Variants in PBRM1 observed in about 807,000 individuals in gnomAD.
The protein encoded by PBRM1 is polybromo 1, also known as protein polybromo-1.
Under a neutral mutation model 194.5 loss-of-function variants are expected in PBRM1, and 27 were observed. The observed-to-expected ratio is 0.14, with a 90% confidence interval of 0.10 to 0.19. The LOEUF (loss-of-function observed/expected upper bound fraction) is 0.19. PBRM1 is among the 10% of genes least tolerant of loss of function. The probability of loss-of-function intolerance (pLI) is 1.00; values close to 1 mark genes in which losing one functional copy is unlikely to be tolerated. For synonymous variants in PBRM1, 655 were observed against 693.2 expected, an observed-to-expected ratio of 0.94 and a Z score of 0.87; for missense variants, 1,466 against 2,077.2, an observed-to-expected ratio of 0.71 and a Z score of 5.72.
intron 8 of PBRM1, among the ~76,000 whole-genome samples, chr3:52,644,361 A>T (rs2096223807): frequency 6.6e-6 from 1 of 152,036 alleles, no homozygotes; most frequent in Non-Finnish European, 1.5e-5. Context: ...AAACTCAGCA[A>T]ATATAAAGGC....
At chr3:52,636,460 A>C (rs950885268) in intron 10 of PBRM1, among the ~76,000 whole-genome samples, 1 of 151,896 alleles carries the variant, frequency 6.6e-6, no homozygotes, top group African/African-American at 2.4e-5. Flanking sequence ...AACCATAATC[A>C]TTTATTAAGA....
intron 25 of PBRM1, 85 bp downstream of exon 27, chr3:52,561,682 G>A: frequency 8.4e-7 from 1 of 1,186,940 alleles, no homozygotes; most frequent in Non-Finnish European, 1.3e-6. Flanking sequence ...CAAGTGGTAA[G>A]AACAAGAGTA....
intron 15 of PBRM1, among the ~76,000 whole-genome samples, chr3:52,611,799 G>A (rs942338418): frequency 2.0e-5 from 3 of 151,960 alleles, no homozygotes; most frequent in Non-Finnish European, 1.5e-5. Context: ...GTAAGACCCT[G>A]TCTCCACAAA....
chr3:52,588,868 T>A (rs1286891965), intron 18 of PBRM1, among the ~76,000 whole-genome samples: 1 of 152,228 alleles, frequency 6.6e-6, no homozygotes, highest in Non-Finnish European at 1.5e-5. Context: ...GAAGCTGTAT[T>A]TCTTTTGACT....
intron 10 of PBRM1, among the ~76,000 whole-genome samples, chr3:52,635,116 G>A (rs1467397557): frequency 6.6e-6 from 1 of 151,978 alleles, no homozygotes; most frequent in Non-Finnish European, 1.5e-5. Context: ...CAGTAGAGAT[G>A]GGGTTTCGTC....
chr3:52,638,845 T>C (rs1035299819), intron 10 of PBRM1, among the ~76,000 whole-genome samples: 1 of 152,034 alleles, frequency 6.6e-6, no homozygotes, highest in Admixed American at 6.6e-5. Context: ...GTGATCCTCC[T>C]GCCTCTGCCT....
Position 52,586,699 on chromosome 3 carries a change from G to C in PBRM1, c.3124-11C>G, listed in dbSNP as rs764258052. On this transcript the variant is annotated splice_polypyrimidine_tract_variant and intron_variant, in intron 19 of 29. Transcript: ENST00000296302. Reference sequence around the variant, plus strand: ...TAACTTAAAGTATTCCTGGGGGGTGGGGAGGGCATAAGAATAAAACTAGTT... The same window carrying C: ...TAACTTAAAGTATTCCTGGGGGGTGCGGAGGGCATAAGAATAAAACTAGTT... 1.3e-6 allele frequency: 2 copies of C among 1,564,632 alleles called. No homozygotes were observed. The highest frequency in any genetic ancestry group is 1.7e-6 in the Non-Finnish European group (2 of 1,146,308).
chr3:52,673,202 G>A (rs1037734044), intron 2 of PBRM1, among the ~76,000 whole-genome samples: 3 of 149,586 alleles, frequency 2.0e-5, no homozygotes, highest in African/African-American at 7.3e-5. Flanking sequence ...TGGCCAGGCT[G>A]GTCTCGAACT....
chr3:52,578,683 T>C (rs926132106), intron 21 of PBRM1, among the ~76,000 whole-genome samples: 3 of 152,240 alleles, frequency 2.0e-5, no homozygotes, highest in Admixed American at 1.3e-4. Context: ...ATATGTGATA[T>C]ATACGCTAAG....
intron 4 of PBRM1, among the ~76,000 whole-genome samples, chr3:52,661,850 C>T (rs184169873): frequency 6.6e-6 from 1 of 152,166 alleles, no homozygotes; most frequent in Non-Finnish European, 1.5e-5. Context: ...CTGGACTAAT[C>T]CTTGATAATA....
rs542938854 is a variant in PBRM1, at chr3:52,601,712, C to A, written c.2779+1809G>T. ...ATACTGGCACTGGTGTTAGCAGGTC[C>A]AGGCAGGCCAATTCCTGGGACTCCA... On this transcript the variant is annotated intron_variant, in intron 17 of 29. Coordinates refer to ENST00000296302, the Ensembl canonical transcript of PBRM1. 1.1e-4 allele frequency among the ~76,000 whole-genome samples: 17 copies of A among 152,208 alleles called. No individual in the cohort carries two copies. The East Asian group carries it at 2.5e-3, about 22-fold the overall frequency.
At chr3:52,679,052 G>C (rs1254164547) in intron 1 of PBRM1, among the ~76,000 whole-genome samples, 1 of 152,042 alleles carries the variant, frequency 6.6e-6, no homozygotes, top group Non-Finnish European at 1.5e-5. Flanking sequence ...TCTCCTTCCT[G>C]ACCATCCCCT....
rs757296068 is a variant in PBRM1 at position 52,627,256 on chromosome 3, A to G, written c.1541+17T>C. The stretch of plus-strand genomic sequence containing the variant: ...AACAGGAACTGAGATGTCCCCAGCT[A>G]TAAGAAGAGTATATACCTTTTTCTT... On this transcript the variant is annotated intron_variant, in intron 13 of 29. Coordinates refer to ENST00000296302, the Ensembl canonical transcript of PBRM1. 1 of 1,409,868 alleles carries G rather than the reference A, an allele frequency of 7.1e-7. No homozygotes were observed. The highest frequency in any genetic ancestry group is 1.2e-5 in the South Asian group (1 of 86,096). The allele number at this position is 1,409,868 out of a possible 1,614,324, so 87.3% of individuals were successfully genotyped here. A position where few individuals can be genotyped will look rare whatever the true frequency, so the allele number is the denominator to read the frequency against.
intron 15 of PBRM1, among the ~76,000 whole-genome samples, chr3:52,613,489 G>A (rs1263385898): frequency 6.6e-6 from 1 of 150,746 alleles, no homozygotes; most frequent in South Asian, 2.1e-4. Flanking sequence ...GTACATGCAT[G>A]TGCCACCACG....
intron 22 of PBRM1, among the ~76,000 whole-genome samples, chr3:52,566,753 T>C (rs966535920): frequency 1.3e-5 from 2 of 152,198 alleles, no homozygotes; most frequent in Non-Finnish European, 1.5e-5. Flanking sequence ...TGTACGGTAT[T>C]GTCAATGGAC....
chr3:52,632,453 G>A (rs1258693180), intron 11 of PBRM1, among the ~76,000 whole-genome samples: 2 of 152,114 alleles, frequency 1.3e-5, no homozygotes, highest in East Asian at 3.8e-4. Flanking sequence ...ATGTTGGCAT[G>A]TGTCTGTGGT....
chr3:52,650,492 G>C (rs1054298600), intron 6 of PBRM1, among the ~76,000 whole-genome samples: 3 of 150,694 alleles, frequency 2.0e-5, no homozygotes, highest in African/African-American at 7.3e-5. Flanking sequence ...TACTCTCTTA[G>C]AGTTTAAAGT....
At chr3:52,663,067 G>A (rs1351887083) in intron 3 of PBRM1, among the ~76,000 whole-genome samples, 3 of 151,996 alleles carry the variant, frequency 2.0e-5, no homozygotes, top group Admixed American at 1.3e-4. Context: ...TGGATGCAAT[G>A]TTCAAAAAAT....
At chr3:52,621,245 C>T (rs374156623) in intron 13 of PBRM1, among the ~76,000 whole-genome samples, 2 of 152,064 alleles carry the variant, frequency 1.3e-5, no homozygotes, top group South Asian at 2.1e-4. Context: ...CTGCAAGCTC[C>T]GCCTCCCAGG....
Sources: allele counts gnomAD v4.1 joint callset (sites outside exome capture counted in the v4.1 genomes callset), GRCh38; gene constraint gnomAD v4.1.1; transcripts MANE v1.5; gene names NCBI Gene and HGNC (gene_info 2026-07-23, HGNC 2026-07-21).